The following MACROD2 variants were observed in gnomAD, a reference collection of about 807,000 sequenced individuals.
MACROD2 encodes the protein mono-ADP ribosylhydrolase 2.
In MACROD2, 36 loss-of-function variants were observed where a neutral mutation model predicts 70.4. The observed-to-expected ratio is 0.51, with a 90% CI of 0.39 to 0.68. The LOEUF (loss-of-function observed/expected upper bound fraction) is 0.68, where lower values mean the gene tolerates loss of function less well. MACROD2 is among the 30% of genes least tolerant of loss of function. The pLI is 0.00. For synonymous variants in MACROD2, 172 were observed against 178.8 expected (o/e 0.96, Z 0.30); for missense variants, 496 against 538.4 (o/e 0.92, Z 0.78).
At chr20:14,076,491 A>G (rs1238449324) in intron 2 of MACROD2, among the ~76,000 whole-genome samples, 1 of 151,918 alleles carries the variant, frequency 6.6e-6, no homozygotes, top group African/African-American at 2.4e-5. Flanking sequence ...CTCTACCAAA[A>G]AAAAAACCCC....
intron 6 of MACROD2, among the ~76,000 whole-genome samples, chr20:15,340,520 G>A (rs1007634337): frequency 2.6e-5 from 4 of 151,982 alleles, no homozygotes; most frequent in South Asian, 2.1e-4. Context: ...TACTCTGCTC[G>A]GGCTTCCTGG....
intron 8 of MACROD2, among the ~76,000 whole-genome samples, chr20:15,636,562 A>G (rs1054960860): frequency 3.3e-5 from 5 of 152,170 alleles, no homozygotes; most frequent in African/African-American, 1.2e-4. Flanking sequence ...CACAGTGTTT[A>G]TATAGTCAGA....
chr20:15,028,455 A>G (rs960581698), intron 5 of MACROD2, among the ~76,000 whole-genome samples: 2 of 152,228 alleles, frequency 1.3e-5, no homozygotes, highest in African/African-American at 4.8e-5. Context: ...ATCACAAGCA[A>G]CTAATAAGTG....
chr20:14,622,454 T>C (rs1357152653), intron 4 of MACROD2, among the ~76,000 whole-genome samples: 1 of 152,182 alleles, frequency 6.6e-6, no homozygotes, highest in Non-Finnish European at 1.5e-5. Context: ...TTGTTTGCTA[T>C]GCAAATGAAT....
chr20:15,964,282 A>G (rs544748036), intron 12 of MACROD2, among the ~76,000 whole-genome samples: 1 of 152,262 alleles, frequency 6.6e-6, no homozygotes, highest in South Asian at 2.1e-4. Flanking sequence ...TTATAAGCAA[A>G]AGCAATTTAT....
At chr20:15,148,170 G>A (rs962608704) in intron 5 of MACROD2, among the ~76,000 whole-genome samples, 9 of 152,004 alleles carry the variant, frequency 5.9e-5, no homozygotes, top group South Asian at 2.1e-4. Flanking sequence ...TGCTTCGAGC[G>A]GGATTAGGGG....
Position 14,708,150 on chromosome 20 carries a change from T to A in MACROD2, c.418+23191T>A, listed in dbSNP as rs560806956. 1.1e-4 allele frequency among the ~76,000 whole-genome samples: 16 copies of A among 152,336 alleles called. No individual in the cohort carries two copies. In the East Asian group the frequency reaches 3.1e-3, roughly 29 times the overall value. On this transcript the variant is annotated intron_variant, in intron 5 of 17. Transcript: ENST00000684519. Reference sequence around the variant, plus strand: ...AACACATACAATACCTAAAACTTGGTAAGCACTGTTAACATTAACTAGTAA... The same window carrying A: ...AACACATACAATACCTAAAACTTGGAAAGCACTGTTAACATTAACTAGTAA...
chr20:14,453,171 C>T (rs1482347514), intron 3 of MACROD2, among the ~76,000 whole-genome samples: 1 of 152,072 alleles, frequency 6.6e-6, no homozygotes, highest in Non-Finnish European at 1.5e-5. Context: ...TATTGCATTC[C>T]TATGGACATT....
chr20:14,788,775 T>TG (rs1175032046), intron 5 of MACROD2, among the ~76,000 whole-genome samples: 1 of 141,422 alleles, frequency 7.1e-6, no homozygotes, highest in Non-Finnish European at 1.5e-5. Context: ...TTTTTTTTTT[T>TG]TTTTTTTTTT....
rs150810788 is a variant in MACROD2, at chr20:14,026,765, C to T, written c.163+24361C>T. Reference sequence around the variant, plus strand: ...TGGGTAACCTGACCTTTCTCTCTGGCTCCCCTTAACATTTTTTCATTCATT... The same window carrying T: ...TGGGTAACCTGACCTTTCTCTCTGGTTCCCCTTAACATTTTTTCATTCATT... On this transcript the variant is annotated intron_variant, in intron 2 of 17. Transcript: ENST00000684519. Among the ~76,000 whole-genome samples, 1,201 of 152,252 alleles carry T rather than the reference C, an allele frequency of 7.9e-3. 20 individuals carry two copies. The highest frequency in any genetic ancestry group is 0.027 in the African/African-American group (1,119 of 41,534).
chr20:14,479,522 T>C lies in MACROD2; in HGVS notation c.272-13957T>C, dbSNP rs548372965. On this transcript the variant is annotated intron_variant, in intron 3 of 17. Coordinates refer to ENST00000684519, the MANE Select transcript of MACROD2 (RefSeq NM_001351661.2). The stretch of plus-strand genomic sequence containing the variant: ...TCACCTTCTTCCTTTTGGTGGGAGG[T>C]TGTAAGATGCCCTGCAACTATGCTG... 6.6e-5 allele frequency among the ~76,000 whole-genome samples: 10 copies of C among 152,066 alleles called. No homozygotes were observed. In the South Asian group the frequency reaches 2.1e-3, roughly 32 times the overall value.
At chr20:15,458,984 TGTG>T (rs2046772641) in intron 7 of MACROD2, among the ~76,000 whole-genome samples, 1 of 152,116 alleles carries the variant, frequency 6.6e-6, no homozygotes, top group Non-Finnish European at 1.5e-5. Flanking sequence ...ATGTTGCAGT[TGTG>T]AGCCTGATGC....
At chr20:14,201,420 AT>A (rs1390826000) in intron 3 of MACROD2, among the ~76,000 whole-genome samples, 1 of 152,184 alleles carries the variant, frequency 6.6e-6, no homozygotes, top group Non-Finnish European at 1.5e-5. Context: ...AAATTATAAT[AT>A]TTTGTCTTTT....
intron 10 of MACROD2, among the ~76,000 whole-genome samples, chr20:15,900,674 A>G (rs1223648435): frequency 2.0e-5 from 3 of 152,210 alleles, no homozygotes; most frequent in South Asian, 2.1e-4. Flanking sequence ...CAATTTATGC[A>G]TGTTGCCATT....
chr20:14,179,431 A>T (rs1321294943), intron 3 of MACROD2, among the ~76,000 whole-genome samples: 2 of 152,132 alleles, frequency 1.3e-5, no homozygotes, highest in Non-Finnish European at 2.9e-5. Flanking sequence ...TCTATTTTTA[A>T]TCTTCATACT....
chr20:15,646,990 G>A (rs2049557640), intron 8 of MACROD2, among the ~76,000 whole-genome samples: 1 of 152,210 alleles, frequency 6.6e-6, no homozygotes, highest in Non-Finnish European at 1.5e-5. Flanking sequence ...CATACTGTGT[G>A]TCCTTCACCT....
At chr20:14,207,582 C>T (rs1432954014) in intron 3 of MACROD2, among the ~76,000 whole-genome samples, 1 of 152,166 alleles carries the variant, frequency 6.6e-6, no homozygotes, top group Non-Finnish European at 1.5e-5. Flanking sequence ...TATGAGAATT[C>T]TGTGAGGAAT....
At chr20:14,835,948 G>A (rs951587627) in intron 5 of MACROD2, among the ~76,000 whole-genome samples, 1 of 151,916 alleles carries the variant, frequency 6.6e-6, no homozygotes, top group Non-Finnish European at 1.5e-5. Context: ...AAAACATTAT[G>A]TCAAATAACA....
chr20:15,774,017 A>G (rs2051679504), intron 8 of MACROD2, among the ~76,000 whole-genome samples: 2 of 151,834 alleles, frequency 1.3e-5, no homozygotes, highest in Admixed American at 6.6e-5. Context: ...ATCTGCATGA[A>G]TTCACGGCTC....
Sources: gnomAD v4.1 joint callset for allele counts (sites outside exome capture counted in the v4.1 genomes callset) on GRCh38, gnomAD v4.1.1 for gene constraint, MANE v1.5 for transcripts, NCBI Gene and HGNC (gene_info 2026-07-23, HGNC 2026-07-21) for gene names.